Variants in SUCO observed in about 807,000 individuals in gnomAD.
The protein encoded by SUCO is SUN domain-containing ossification factor.
In SUCO, 57 loss-of-function variants were observed where a neutral mutation model predicts 148.1. That is an observed-to-expected ratio of 0.38 (90% CI 0.31 to 0.48). SUCO has a LOEUF of 0.48. Ranked by LOEUF, SUCO falls within the 20% of genes least tolerant of loss-of-function variation. The pLI is 0.96. For synonymous variants in SUCO, 470 were observed against 502.7 expected (o/e 0.93, Z 0.87); for missense variants, 1,331 against 1,468.2 (o/e 0.91, Z 1.53).
chr1:172,601,924 A>G, intron 20 of SUCO, 140 bp from the exon 21 acceptor site: 3 of 777,660 alleles, frequency 3.9e-6, no homozygotes, highest in African/African-American at 1.8e-5. Flanking sequence ...TTTATTTTCA[A>G]AGAGCATGCC....
At chr1:172,605,068 T>TA (rs1657775803) in intron 22 of SUCO, among the ~76,000 whole-genome samples, 1 of 151,878 alleles carries the variant, frequency 6.6e-6, no homozygotes, top group Non-Finnish European at 1.5e-5. Context: ...TAACCTCCGT[T>TA]ATGGATTATA....
chr1:172,579,913 CTTT>C (rs1336659777), intron 15 of SUCO, among the ~76,000 whole-genome samples: 1 of 151,942 alleles, frequency 6.6e-6, no homozygotes, highest in African/African-American at 2.4e-5. Context: ...AAGTAGTTTT[CTTT>C]TTATTTGAAA....
chr1:172,541,306 A>G (rs866823685), intron 1 of SUCO, among the ~76,000 whole-genome samples: 10 of 152,268 alleles, frequency 6.6e-5, no homozygotes, highest in Middle Eastern at 3.4e-3. Flanking sequence ...GATGTTTTAA[A>G]TCATCTCTAG....
At chr1:172,597,874 C>G (rs1477106407) in intron 19 of SUCO, among the ~76,000 whole-genome samples, 3 of 152,168 alleles carry the variant, frequency 2.0e-5, no homozygotes, top group Non-Finnish European at 2.9e-5. Context: ...ATTGGAGATA[C>G]ACTTTGCAAA....
chr1:172,542,969 G>A (rs544979700), intron 1 of SUCO: 3 of 985,220 alleles, frequency 3.0e-6, no homozygotes, highest in Admixed American at 6.1e-5. Context: ...AATAATAGAA[G>A]ATATTTGGAG....
intron 19 of SUCO, among the ~76,000 whole-genome samples, chr1:172,597,762 T>C (rs1441191429): frequency 6.9e-6 from 1 of 144,722 alleles, no homozygotes; most frequent in Non-Finnish European, 1.6e-5. Context: ...TTTACACTTT[T>C]CTAAAAGGTT....
chr1:172,544,254 C>A, intron 1 of SUCO: 1 of 430,578 alleles, frequency 2.3e-6, no homozygotes, highest in Non-Finnish European at 3.1e-6. Flanking sequence ...TCTTTTACCA[C>A]AAAGTGTTTT....
intron 15 of SUCO, among the ~76,000 whole-genome samples, chr1:172,584,679 AG>A: frequency 6.6e-6 from 1 of 152,138 alleles, no homozygotes; most frequent in Non-Finnish European, 1.5e-5. Flanking sequence ...AGGCTGAGGC[AG>A]GGGAATTGCT....
At chr1:172,532,578 C>T, upstream of SUCO, 3 of 1,613,788 alleles carry the variant, frequency 1.9e-6, no homozygotes, top group East Asian at 2.2e-5. Context: ...TCCCTCACAA[C>T]ACACACGTCA....
chr1:172,576,283 ATAT>A (rs1436706633), intron 11 of SUCO, among the ~76,000 whole-genome samples: 1 of 151,638 alleles, frequency 6.6e-6, no homozygotes, highest in Non-Finnish European at 1.5e-5. Flanking sequence ...TATTGAATTA[ATAT>A]TATGACATTT....
chr1:172,577,008 C>G (rs1655494798), intron 11 of SUCO: 2 of 760,256 alleles, frequency 2.6e-6, no homozygotes, highest in Non-Finnish European at 3.2e-6. Flanking sequence ...CTTGAAATAA[C>G]ATAGCATACC....
chr1:172,605,033 GTTT>G (rs891056185), intron 22 of SUCO, among the ~76,000 whole-genome samples: 4 of 151,728 alleles, frequency 2.6e-5, no homozygotes, highest in Admixed American at 2.6e-4. Context: ...TGAGTTTTTT[GTTT>G]TTAAGTTCAG....
intron 19 of SUCO, among the ~76,000 whole-genome samples, chr1:172,593,627 A>G (rs865816182): frequency 2.0e-5 from 3 of 152,142 alleles, no homozygotes; most frequent in Admixed American, 6.5e-5. Flanking sequence ...GATGAAGCCA[A>G]CTTGATCGTG....
At chr1:172,586,289 T>A (rs1009768126) in intron 17 of SUCO, among the ~76,000 whole-genome samples, 4 of 152,100 alleles carry the variant, frequency 2.6e-5, no homozygotes, top group African/African-American at 4.8e-5. Flanking sequence ...CCCTTTTTTT[T>A]ATTAAGTTCA....
At position 172,564,000 on chromosome 1, in the gene SUCO, G is replaced by A. The variant is rs575812323; in HGVS notation, c.733-5019G>A. ...ACAGATCAGGCCATTGCTTCAAAGG[G>A]TGCAAGCCCCGAGCCTTTGCAGCTT... On this transcript the variant is annotated intron_variant, in intron 6 of 23. Coordinates refer to ENST00000263688, the MANE Select transcript of SUCO (RefSeq NM_014283.5). 3.9e-5 allele frequency among the ~76,000 whole-genome samples: 6 copies of A among 152,370 alleles called. No homozygotes were observed. The South Asian group carries it at 1.2e-3, about 32-fold the overall frequency.
At chr1:172,609,035 A>G (rs184777357) in intron 23 of SUCO, among the ~76,000 whole-genome samples, 1 of 152,242 alleles carries the variant, frequency 6.6e-6, no homozygotes, top group East Asian at 1.9e-4. Flanking sequence ...ATAAAACAGA[A>G]CAGCATGCAA....
chr1:172,574,432 A>G (rs984400949), intron 10 of SUCO, among the ~76,000 whole-genome samples: 2 of 152,066 alleles, frequency 1.3e-5, no homozygotes, highest in African/African-American at 4.8e-5. Context: ...TTTTATTAAA[A>G]TATATTCTAA....
In SUCO at chr1:172,610,111, G is replaced by A. The variant is rs534086608; in HGVS notation, c.3617G>A (p.Arg1206Gln). Reference protein sequence around the residue: ...KTEKRALKRRRSKVQDQGKLI... With the variant: ...KTEKRALKRRQSKVQDQGKLI... Reference sequence around the variant, plus strand: ...GAGAAGAGGGCTTTAAAACGAAGACGATCTAAAGTCCAAGACCAAGGAAAA... The same window carrying A: ...GAGAAGAGGGCTTTAAAACGAAGACAATCTAAAGTCCAAGACCAAGGAAAA... The change falls in exon 24 of 24, where the codon CGA becomes CAA. Residue 1206 changes from arginine to glutamine, a missense_variant. Physicochemically the swap from Arg to Gln is conservative, Grantham distance 43. Around this residue, in one of 3 missense-constraint regions of SUCO, gnomAD observed 334 missense variants for 352.3 expected, o/e 0.95. Transcript: ENST00000263688. The A allele has an allele frequency of 4.3e-6, 7 of 1,613,724 alleles. No homozygotes were observed. The highest frequency in any genetic ancestry group is 4.0e-5 in the African/African-American group (3 of 74,970).
At chr1:172,597,245 G>A (rs529646769) in intron 19 of SUCO, among the ~76,000 whole-genome samples, 33 of 152,298 alleles carry the variant, frequency 2.2e-4, no homozygotes, top group African/African-American at 7.5e-4. Context: ...CGGGTGTGGC[G>A]GTGCCCCGCC....
Sources: gnomAD v4.1 joint callset for allele counts (sites outside exome capture counted in the v4.1 genomes callset) on GRCh38, gnomAD v4.1.1 for gene constraint, gnomAD v4.1.1 regional missense constraint, MANE v1.5 for transcripts, NCBI Gene and HGNC (gene_info 2026-07-23, HGNC 2026-07-21) for gene names.